The following RTN1 variants were observed in gnomAD, a reference collection of about 807,000 sequenced individuals.
RTN1 encodes the protein reticulon-1.
In RTN1, 25 loss-of-function variants were observed where a neutral mutation model predicts 65.5. The ratio of observed to expected loss-of-function variants is 0.38; its 90% CI spans 0.28 to 0.53. The LOEUF is 0.53. RTN1 is among the 20% of genes least tolerant of loss of function. RTN1 has a pLI of 0.79. For synonymous variants in RTN1, 471 were observed against 447.6 expected, an observed-to-expected ratio of 1.05 and a Z score of -0.66; for missense variants, 983 against 1,025.4, an observed-to-expected ratio of 0.96 and a Z score of 0.57.
chr14:59,749,160 C>CTATATATA (rs1311080401), intron 1 of RTN1, among the ~76,000 whole-genome samples: 1 of 55,246 alleles, frequency 1.8e-5, no homozygotes, highest in Non-Finnish European at 3.1e-5. Context: ...CTATCTATAT[C>CTATATATA]TATCTATATA....
Position 59,864,073 on chromosome 14 carries a change from T to C in RTN1, c.241+6317A>G, listed in dbSNP as rs189750433. Among the ~76,000 whole-genome samples the C allele has an allele frequency of 1.2e-3, 189 of 152,298 alleles. 2 individuals carry two copies. The highest frequency in any genetic ancestry group is 4.5e-3 in the African/African-American group (185 of 41,558). ...TCAACGCAGTGACTAGAGTGAGTCA[T>C]TAAACTTAAAACTGAACTCTAAATA... On this transcript the variant is annotated intron_variant, in intron 1 of 8. Coordinates refer to ENST00000267484, the MANE Select transcript of RTN1 (RefSeq NM_021136.3).
Position 59,741,513 on chromosome 14 carries a change from G to A in RTN1, c.1015+4195C>T, listed in dbSNP as rs541497720. Among the ~76,000 whole-genome samples the A allele has an allele frequency of 7.2e-5, 11 of 152,282 alleles. 1 individual carries two copies. The highest frequency in any genetic ancestry group is 2.4e-4 in the African/African-American group (10 of 41,558). On this transcript the variant is annotated intron_variant, in intron 2 of 8. Coordinates refer to ENST00000267484, the MANE Select transcript of RTN1 (RefSeq NM_021136.3). ...TTTTCTTGTGAGGCATCACTCACTC[G>A]TGAGTCCTGGCAGTAATGGAACAAT...
intron 3 of RTN1, among the ~76,000 whole-genome samples, chr14:59,620,132 T>C (rs1882215731): frequency 6.6e-6 from 1 of 152,050 alleles, no homozygotes; most frequent in African/African-American, 2.4e-5. Flanking sequence ...TCACAGTTGT[T>C]TTCAAAGAAG....
chr14:59,756,069 C>A (rs954878976), intron 1 of RTN1, among the ~76,000 whole-genome samples: 2 of 152,274 alleles, frequency 1.3e-5, no homozygotes, highest in East Asian at 1.9e-4. Flanking sequence ...GCAAAAAATT[C>A]TCTTAAAGGA....
intron 1 of RTN1, among the ~76,000 whole-genome samples, chr14:59,753,910 G>A (rs1176142969): frequency 6.6e-6 from 1 of 152,184 alleles, no homozygotes; most frequent in Non-Finnish European, 1.5e-5. Context: ...CTCCACAGCT[G>A]TTTCCTGGAC....
chr14:59,819,425 ACCCCCCACCCCCCCCC>A (rs747237183), intron 1 of RTN1, among the ~76,000 whole-genome samples: 10 of 14,824 alleles, frequency 6.7e-4, no homozygotes, highest in African/African-American at 2.5e-3. Flanking sequence ...CCCCCCCCCC[ACCCCCCACCCCCCCCC>A]CCCGGCCACA....
chr14:59,617,032 T>G (rs1448034154), intron 3 of RTN1, among the ~76,000 whole-genome samples: 2 of 152,248 alleles, frequency 1.3e-5, no homozygotes, highest in Non-Finnish European at 2.9e-5. Flanking sequence ...TATTCTCAAT[T>G]TATGGAAGTA....
At chr14:59,733,902 GT>G (rs1325740240) in intron 2 of RTN1, among the ~76,000 whole-genome samples, 4 of 152,346 alleles carry the variant, frequency 2.6e-5, no homozygotes, top group African/African-American at 7.2e-5. Context: ...GCTTCTTTAA[GT>G]GTGTCCTTGA....
intron 3 of RTN1, among the ~76,000 whole-genome samples, chr14:59,659,708 C>G (rs988226318): frequency 5.9e-5 from 9 of 152,204 alleles, no homozygotes; most frequent in African/African-American, 2.2e-4. Context: ...TTTGTCACCA[C>G]CAGGCCTGCC....
intron 3 of RTN1, among the ~76,000 whole-genome samples, chr14:59,647,486 A>G (rs892224136): frequency 1.3e-5 from 2 of 152,200 alleles, no homozygotes; most frequent in African/African-American, 4.8e-5. Context: ...CCCCAAAACA[A>G]CAGACTATAC....
In RTN1 at chr14:59,749,420, C is replaced by CTATATCTATATATATCTA. The variant is rs1555358689; in HGVS notation, c.242-2940_242-2939insTAGATATATATAGATATA. The stretch of plus-strand genomic sequence containing the variant: ...TATATATATCTATATCTATATATAT[C>CTATATCTATATATATCTA]TATATATCTATATATATCTATATCT... On this transcript the variant is annotated intron_variant, in intron 1 of 8. Coordinates refer to ENST00000267484, the MANE Select transcript of RTN1 (RefSeq NM_021136.3). Among the ~76,000 whole-genome samples, 13 of 34,942 alleles carry CTATATCTATATATATCTA rather than the reference C, an allele frequency of 3.7e-4. 2 individuals are homozygous for CTATATCTATATATATCTA. Among genetic ancestry groups the CTATATCTATATATATCTA allele is most frequent in the African/African-American group, 2.5e-3 (13 of 5,192 alleles). 22.9% of individuals were successfully genotyped at this position (34,942 alleles called of 152,430 possible).
intron 1 of RTN1, among the ~76,000 whole-genome samples, chr14:59,822,314 G>T (rs1480755783): frequency 6.6e-6 from 1 of 152,100 alleles, no homozygotes; most frequent in Non-Finnish European, 1.5e-5. Flanking sequence ...GTTTGTAGTA[G>T]TCTCTGAGGG....
intron 1 of RTN1, among the ~76,000 whole-genome samples, chr14:59,787,281 C>T (rs537125874): frequency 2.0e-5 from 3 of 152,202 alleles, no homozygotes; most frequent in South Asian, 4.2e-4. Flanking sequence ...GGTGGGGGCT[C>T]ACTAGGGCTT....
intron 3 of RTN1, among the ~76,000 whole-genome samples, chr14:59,690,261 C>T (rs1215684078): frequency 7.0e-6 from 1 of 142,656 alleles, no homozygotes; most frequent in Non-Finnish European, 1.5e-5. Context: ...AGGAAAGGGT[C>T]AAAGAAAGAT....
intron 1 of RTN1, among the ~76,000 whole-genome samples, chr14:59,783,679 C>T (rs928010573): frequency 6.6e-6 from 1 of 152,140 alleles, no homozygotes; most frequent in South Asian, 2.1e-4. Flanking sequence ...TTCTGCTTTT[C>T]CCTAGAATAA....
chr14:59,674,607 C>T (rs187088189), intron 3 of RTN1, among the ~76,000 whole-genome samples: 31 of 152,218 alleles, frequency 2.0e-4, no homozygotes, highest in Admixed American at 1.1e-3. Context: ...ATTTAACAAA[C>T]GGCATTCAAA....
At chr14:59,783,167 T>A (rs938165247) in intron 1 of RTN1, among the ~76,000 whole-genome samples, 1 of 152,204 alleles carries the variant, frequency 6.6e-6, no homozygotes, top group African/African-American at 2.4e-5. Flanking sequence ...TGTTGATCCC[T>A]ATGTTGTGCT....
chr14:59,771,216 A>T (rs1245117515), intron 1 of RTN1, among the ~76,000 whole-genome samples: 1 of 152,130 alleles, frequency 6.6e-6, no homozygotes, highest in Non-Finnish European at 1.5e-5. Context: ...TTGATCTCAT[A>T]TTTGCAAAAC....
At chr14:59,830,688 T>C (rs901896376) in intron 1 of RTN1, among the ~76,000 whole-genome samples, 3 of 152,226 alleles carry the variant, frequency 2.0e-5, no homozygotes, top group African/African-American at 4.8e-5. Flanking sequence ...TGTCCCTAAT[T>C]AGCAATGTGA....
Sources: allele counts gnomAD v4.1 joint callset (sites outside exome capture counted in the v4.1 genomes callset), GRCh38; gene constraint gnomAD v4.1.1; transcripts MANE v1.5; gene names NCBI Gene and HGNC (gene_info 2026-07-23, HGNC 2026-07-21).